Variants in CUL3 observed in about 807,000 individuals in gnomAD.
The protein encoded by CUL3 is cullin 3, also known as cullin-3.
Under a neutral mutation model 89.1 loss-of-function variants are expected in CUL3, and 19 were observed. The observed-to-expected ratio is 0.21, with a 90% CI of 0.15 to 0.31. The LOEUF (loss-of-function observed/expected upper bound fraction) is 0.31. CUL3 is among the 10% of genes least tolerant of loss of function. CUL3 has a pLI of 1.00. For synonymous variants in CUL3, 351 were observed against 308.4 expected, an observed-to-expected ratio of 1.14 and a Z score of -1.45; for missense variants, 469 against 942.3, an observed-to-expected ratio of 0.50 and a Z score of 6.58.
chr2:224,530,010 G>A (rs565902251), intron 3 of CUL3, among the ~76,000 whole-genome samples: 115 of 151,940 alleles, frequency 7.6e-4, no homozygotes, highest in Non-Finnish European at 1.3e-3. Context: ...AGGCCAAGGC[G>A]GGCAGATCAC....
intron 1 of CUL3, among the ~76,000 whole-genome samples, chr2:224,584,315 A>C (rs1377032173): frequency 6.6e-6 from 1 of 152,110 alleles, no homozygotes; most frequent in East Asian, 1.9e-4. Flanking sequence ...GTGGCGAGGC[A>C]ATCCTGCACA....
intron 1 of CUL3, among the ~76,000 whole-genome samples, chr2:224,573,172 CTA>C (rs1278728384): frequency 6.6e-6 from 1 of 151,626 alleles, no homozygotes; most frequent in African/African-American, 2.4e-5. Context: ...ACTGTTTAAT[CTA>C]TCTCTTTAGT....
intron 14 of CUL3, among the ~76,000 whole-genome samples, chr2:224,480,949 T>C (rs1319084330): frequency 6.6e-6 from 1 of 152,096 alleles, no homozygotes; most frequent in African/African-American, 2.4e-5. Flanking sequence ...GGCAAAGCCT[T>C]GCCAGAGACA....
intron 2 of CUL3, among the ~76,000 whole-genome samples, chr2:224,553,234 A>G (rs998373958): frequency 2.0e-5 from 3 of 152,238 alleles, no homozygotes; most frequent in African/African-American, 7.2e-5. Flanking sequence ...AAACATGAAA[A>G]CAAAAGCACA....
chr2:224,572,744 A>AT (rs1279159932), intron 1 of CUL3, among the ~76,000 whole-genome samples: 3 of 151,080 alleles, frequency 2.0e-5, no homozygotes, highest in African/African-American at 4.9e-5. Context: ...CAGAGAGTTT[A>AT]TTTTTTTGCC....
intron 13 of CUL3, among the ~76,000 whole-genome samples, chr2:224,492,345 T>C (rs1692015130): frequency 6.6e-6 from 1 of 152,190 alleles, no homozygotes; most frequent in Admixed American, 6.5e-5. Context: ...ATTGTGAAGT[T>C]ATGTCCCTAA....
intron 10 of CUL3, 74 bp downstream of exon 10, chr2:224,502,891 T>C (rs1692445801): frequency 1.0e-6 from 1 of 1,004,504 alleles, no homozygotes; most frequent in Admixed American, 2.0e-5. Flanking sequence ...TGTCATCTGC[T>C]AAGTGGATGA....
At chr2:224,550,539 G>C (rs572172699) in intron 2 of CUL3, among the ~76,000 whole-genome samples, 2 of 152,064 alleles carry the variant, frequency 1.3e-5, no homozygotes, top group Non-Finnish European at 2.9e-5. Context: ...AAATTTTACA[G>C]GTATCTTAAA....
intron 1 of CUL3, among the ~76,000 whole-genome samples, chr2:224,581,290 G>C (rs1017229186): frequency 6.6e-6 from 1 of 151,640 alleles, no homozygotes; most frequent in Non-Finnish European, 1.5e-5. Flanking sequence ...AGCTACTTGG[G>C]GAGGCTGAGG....
intron 1 of CUL3, among the ~76,000 whole-genome samples, chr2:224,567,555 C>T (rs1356354404): frequency 4.0e-5 from 6 of 151,848 alleles, no homozygotes; most frequent in Non-Finnish European, 8.8e-5. Context: ...CTGGCTAACA[C>T]GGTGAAACCC....
At chr2:224,488,064 G>A (rs1416925084) in intron 13 of CUL3, among the ~76,000 whole-genome samples, 1 of 152,026 alleles carries the variant, frequency 6.6e-6, no homozygotes, top group Admixed American at 6.6e-5. Flanking sequence ...ACTAAGACAC[G>A]ACGTACCAGA....
intron 9 of CUL3, 108 bp from the exon 10 acceptor site, chr2:224,503,180 C>T: frequency 2.5e-6 from 2 of 787,122 alleles, no homozygotes; most frequent in Admixed American, 4.6e-5. Flanking sequence ...GATAATCTTC[C>T]TGTAAATTTT....
intron 1 of CUL3, chr2:224,569,834 A>G (rs1695141363): frequency 9.8e-7 from 1 of 1,024,054 alleles, no homozygotes; most frequent in Admixed American, 5.6e-5. Flanking sequence ...ACAAGAAAAA[A>G]TTTAGAACAG....
chr2:224,574,843 G>T (rs113809016), intron 1 of CUL3, among the ~76,000 whole-genome samples: 1 of 152,188 alleles, frequency 6.6e-6, no homozygotes, highest in Non-Finnish European at 1.5e-5. Context: ...CAAACTTAAA[G>T]AGTCTGTTAG....
At chr2:224,584,440 G>A (rs1048681496) in intron 1 of CUL3, among the ~76,000 whole-genome samples, 2 of 152,272 alleles carry the variant, frequency 1.3e-5, no homozygotes, top group African/African-American at 4.8e-5. Context: ...TGCGTCGGGG[G>A]CAGGTTGATG....
chr2:224,491,185 T>C (rs567820369), intron 13 of CUL3, among the ~76,000 whole-genome samples: 81 of 152,272 alleles, frequency 5.3e-4, no homozygotes, highest in African/African-American at 1.8e-3. Flanking sequence ...ATTTTGGACA[T>C]TTCATTTCAG....
At chr2:224,536,104 A>C (rs1046091864) in intron 2 of CUL3, among the ~76,000 whole-genome samples, 1 of 152,126 alleles carries the variant, frequency 6.6e-6, no homozygotes, top group Non-Finnish European at 1.5e-5. Flanking sequence ...TAAATATTTA[A>C]CCTCTGTGCC....
intron 2 of CUL3, among the ~76,000 whole-genome samples, chr2:224,548,026 G>T (rs1694368916): frequency 6.6e-6 from 1 of 152,080 alleles, no homozygotes; most frequent in Non-Finnish European, 1.5e-5. Flanking sequence ...CAGCAAATAA[G>T]ACCCTAGGTA....
At chr2:224,551,719 T>G (rs965055984) in intron 2 of CUL3, among the ~76,000 whole-genome samples, 2 of 152,170 alleles carry the variant, frequency 1.3e-5, no homozygotes, top group African/African-American at 4.8e-5. Context: ...TTGCTGCTTT[T>G]GTGCTACAAA....
Sources: gnomAD v4.1 joint callset for allele counts (sites outside exome capture counted in the v4.1 genomes callset) on GRCh38, gnomAD v4.1.1 for gene constraint, MANE v1.5 for transcripts, NCBI Gene and HGNC (gene_info 2026-07-23, HGNC 2026-07-21) for gene names.